Variants in HMGCLL1 observed in about 807,000 individuals in gnomAD.
HMGCLL1 encodes 3-hydroxymethyl-3-methylglutaryl-CoA lyase, cytoplasmic.
A neutral mutation model predicts 39.1 loss-of-function variants in HMGCLL1; 36 were observed. That is an observed-to-expected ratio of 0.92 (90% CI 0.71 to 1.22). The LOEUF is 1.22. Among genes scored for constraint, HMGCLL1 ranks in the 50% most tolerant of loss-of-function variants. The probability of loss-of-function intolerance (pLI) is 0.00; values close to 1 mark genes in which losing one functional copy is unlikely to be tolerated. For synonymous variants in HMGCLL1, 149 were observed against 144.0 expected (o/e 1.03, Z -0.25); for missense variants, 451 against 416.5 (o/e 1.08, Z -0.72).
At chr6:55,640,126 G>A in the HMGCLL1 span, among the ~76,000 whole-genome samples, 1 of 151,898 alleles carries the variant, frequency 6.6e-6, no homozygotes, top group African/African-American at 2.4e-5. Flanking sequence ...AAGAAGAAGA[G>A]AAAGTGGATA....
At chr6:55,625,605 G>A in the HMGCLL1 span, among the ~76,000 whole-genome samples, 1 of 152,146 alleles carries the variant, frequency 6.6e-6, no homozygotes, top group Non-Finnish European at 1.5e-5. Flanking sequence ...CAGCAATGAA[G>A]GGAAATCTTC....
chr6:55,446,431 C>A (rs1489366572), intron 7 of HMGCLL1, among the ~76,000 whole-genome samples: 2 of 151,546 alleles, frequency 1.3e-5, no homozygotes, highest in Non-Finnish European at 2.9e-5. Flanking sequence ...ACTCAATGGC[C>A]CAGGATACCA....
the HMGCLL1 span, among the ~76,000 whole-genome samples, chr6:55,595,215 A>T: frequency 9.2e-5 from 14 of 152,228 alleles, no homozygotes; most frequent in African/African-American, 3.4e-4. Context: ...TATGAAGACT[A>T]TGTACAGAGA....
At chr6:55,592,802 A>G in the HMGCLL1 span, among the ~76,000 whole-genome samples, 3 of 152,052 alleles carry the variant, frequency 2.0e-5, no homozygotes, top group East Asian at 3.9e-4. Flanking sequence ...TATGATTCCT[A>G]TGTTACAGAT....
the HMGCLL1 span, among the ~76,000 whole-genome samples, chr6:55,643,336 C>G: frequency 2.6e-5 from 4 of 151,944 alleles, no homozygotes; most frequent in South Asian, 8.3e-4. Context: ...GCTATTCTGA[C>G]TGGTATAGAT....
chr6:55,536,389 A>G (rs1025736166), intron 3 of HMGCLL1, among the ~76,000 whole-genome samples: 4 of 152,166 alleles, frequency 2.6e-5, no homozygotes, highest in Non-Finnish European at 5.9e-5. Flanking sequence ...TTTTTAAATA[A>G]GTGATATTCA....
intron 7 of HMGCLL1, among the ~76,000 whole-genome samples, chr6:55,441,581 T>C (rs1017271909): frequency 6.6e-6 from 1 of 152,194 alleles, no homozygotes; most frequent in African/African-American, 2.4e-5. Flanking sequence ...TTTTATCTGT[T>C]CTGGGAGCTC....
intron 1 of HMGCLL1, among the ~76,000 whole-genome samples, chr6:55,561,124 C>T (rs1380534434): frequency 6.6e-6 from 1 of 152,086 alleles, no homozygotes; most frequent in East Asian, 1.9e-4. Context: ...AGTCAATTCA[C>T]TAAAATATCC....
the HMGCLL1 span, among the ~76,000 whole-genome samples, chr6:55,637,026 A>T: frequency 1.3e-5 from 2 of 152,192 alleles, no homozygotes; most frequent in African/African-American, 4.8e-5. Context: ...CTTTTTAAAG[A>T]GCCAGCTAAA....
chr6:55,639,320 A>G, the HMGCLL1 span, among the ~76,000 whole-genome samples: 1 of 151,536 alleles, frequency 6.6e-6, no homozygotes, highest in Non-Finnish European at 1.5e-5. Flanking sequence ...AGCACTTATT[A>G]TGTACCAACA....
upstream of HMGCLL1, among the ~76,000 whole-genome samples, chr6:55,583,027 C>G (rs945033884): frequency 2.6e-5 from 4 of 152,106 alleles, no homozygotes; most frequent in Middle Eastern, 6.8e-3. Context: ...TTTGCCAAAA[C>G]AGCATGACGG....
At chr6:55,583,306 T>A (rs1179785750), upstream of HMGCLL1, among the ~76,000 whole-genome samples, 1 of 152,038 alleles carries the variant, frequency 6.6e-6, no homozygotes, top group Non-Finnish European at 1.5e-5. Context: ...TAACTAGTCA[T>A]TTAGCATTAG....
At chr6:55,621,977 T>G in the HMGCLL1 span, among the ~76,000 whole-genome samples, 1 of 152,128 alleles carries the variant, frequency 6.6e-6, no homozygotes, top group African/African-American at 2.4e-5. Context: ...GTTTTCATTA[T>G]AGAGAACTTT....
chr6:55,461,177 TA>T lies in HMGCLL1; in HGVS notation c.796-21619del, dbSNP rs1268771465. Among the ~76,000 whole-genome samples, 5 of 152,104 alleles carry T rather than the reference TA, an allele frequency of 3.3e-5. No individual in the cohort carries two copies. In the South Asian group the frequency reaches 6.2e-4, roughly 19 times the overall value. Reference sequence around the variant, plus strand: ...TTCTAAAGAATAATGATCTACTATTTATTTTTTTTAGTAATCTAGACCGTCA... The same window carrying T: ...TTCTAAAGAATAATGATCTACTATTTTTTTTTTTAGTAATCTAGACCGTCA... On this transcript the variant is annotated intron_variant, in intron 7 of 8. Coordinates refer to ENST00000274901, the MANE Select transcript of HMGCLL1 (RefSeq NM_001042406.2).
upstream of HMGCLL1, among the ~76,000 whole-genome samples, chr6:55,583,736 G>A (rs148291891): frequency 5.1e-3 from 773 of 152,168 alleles, 7 homozygotes; most frequent in African/African-American, 0.017. Context: ...TCTTTCATGG[G>A]TTATTGAAAT....
At chr6:55,453,361 AG>A (rs1314637780) in intron 7 of HMGCLL1, among the ~76,000 whole-genome samples, 1 of 152,054 alleles carries the variant, frequency 6.6e-6, no homozygotes, top group East Asian at 1.9e-4. Flanking sequence ...TTGTATTTTT[AG>A]TAGAGACGGG....
chr6:55,635,207 A>G, the HMGCLL1 span, among the ~76,000 whole-genome samples: 427 of 152,240 alleles, frequency 2.8e-3, 4 homozygotes, highest in Non-Finnish European at 4.5e-3. Context: ...TCAAGTATAT[A>G]TGGAACTTAT....
At chr6:55,676,238 A>G in the HMGCLL1 span, among the ~76,000 whole-genome samples, 1 of 152,148 alleles carries the variant, frequency 6.6e-6, no homozygotes, top group Non-Finnish European at 1.5e-5. Context: ...GTACAAATAT[A>G]AAAACAAACA....
At chr6:55,448,023 T>C (rs1763930108) in intron 7 of HMGCLL1, among the ~76,000 whole-genome samples, 1 of 152,172 alleles carries the variant, frequency 6.6e-6, no homozygotes, top group African/African-American at 2.4e-5. Context: ...TTCCTTTTCT[T>C]ATGAGACTTT....
Sources: allele counts gnomAD v4.1 joint callset (sites outside exome capture counted in the v4.1 genomes callset), GRCh38; gene constraint gnomAD v4.1.1; transcripts MANE v1.5; gene names NCBI Gene and HGNC (gene_info 2026-07-23, HGNC 2026-07-21).